The following RASA1 variants were observed in gnomAD, a reference collection of about 807,000 sequenced individuals.
RASA1 encodes the protein RAS p21 protein activator 1, also known as ras GTPase-activating protein 1.
In RASA1, 25 loss-of-function variants were observed where a neutral mutation model predicts 132.2. The observed-to-expected ratio is 0.19, with a 90% confidence interval of 0.14 to 0.26. The LOEUF is 0.26. RASA1 is among the 10% of genes least tolerant of loss of function. RASA1 has a pLI of 1.00. For missense variants in RASA1, 964 were observed against 1,299.2 expected (o/e 0.74, Z 3.97); for synonymous variants, 477 against 449.9 (o/e 1.06, Z -0.76).
At chr5:87,292,366 T>G (rs774251277) in intron 1 of RASA1, among the ~76,000 whole-genome samples, 2 of 150,762 alleles carry the variant, frequency 1.3e-5, no homozygotes, top group Non-Finnish European at 3.0e-5. Flanking sequence ...GTGTTTACAT[T>G]CTTTTTTTTT....
chr5:87,285,941 C>T (rs1013291129), intron 1 of RASA1, among the ~76,000 whole-genome samples: 1 of 151,820 alleles, frequency 6.6e-6, no homozygotes, highest in Non-Finnish European at 1.5e-5. Flanking sequence ...TTTCTCCTTT[C>T]CCACTCTAAC....
chr5:87,387,241 G>C (rs1762122962), intron 23 of RASA1, among the ~76,000 whole-genome samples: 1 of 151,780 alleles, frequency 6.6e-6, no homozygotes, highest in African/African-American at 2.4e-5. Flanking sequence ...TTTTTACTTT[G>C]CTGCTACTAT....
chr5:87,384,019 C>T (rs1761905498), intron 21 of RASA1, among the ~76,000 whole-genome samples: 1 of 152,030 alleles, frequency 6.6e-6, no homozygotes, highest in Non-Finnish European at 1.5e-5. Flanking sequence ...ACACATTCCA[C>T]CTTTTTTCTA....
intron 1 of RASA1, among the ~76,000 whole-genome samples, chr5:87,306,464 G>A (rs1755617076): frequency 6.6e-6 from 1 of 152,092 alleles, no homozygotes; most frequent in African/African-American, 2.4e-5. Context: ...CTAATTGAGG[G>A]TGGAGGGTGG....
At chr5:87,376,358 T>TAAA in intron 15 of RASA1, 35 bp from the exon 16 acceptor site, 1 of 1,610,592 alleles carries the variant, frequency 6.2e-7, no homozygotes, top group Non-Finnish European at 8.5e-7. Context: ...TCGTGTTCTC[T>TAAA]TTTTAAACAA....
chr5:87,360,442 C>T (rs1219725563), intron 9 of RASA1, among the ~76,000 whole-genome samples: 3 of 152,086 alleles, frequency 2.0e-5, no homozygotes, highest in Non-Finnish European at 2.9e-5. Context: ...TCTGATGGCT[C>T]ATAATTTTGT....
intron 1 of RASA1, among the ~76,000 whole-genome samples, chr5:87,329,888 G>T (rs555736617): frequency 2.8e-4 from 43 of 152,136 alleles, no homozygotes; most frequent in African/African-American, 9.9e-4. Flanking sequence ...GTTCCTTAGG[G>T]TTCATTTACG....
At chr5:87,273,834 G>A (rs1000694287) in intron 1 of RASA1, among the ~76,000 whole-genome samples, 1 of 151,646 alleles carries the variant, frequency 6.6e-6, no homozygotes, top group Non-Finnish European at 1.5e-5. Context: ...AGTAGCCGGG[G>A]TTACAGGTAC....
At chr5:87,383,614 T>C (rs1761875379) in intron 20 of RASA1, 99 bp from the exon 21 acceptor site, 2 of 883,608 alleles carry the variant, frequency 2.3e-6, no homozygotes, top group Non-Finnish European at 3.5e-6. Flanking sequence ...TTATGGGTTC[T>C]ATGAGTACTA....
chr5:87,348,522 GAATAA>G (rs1561299849), intron 7 of RASA1, among the ~76,000 whole-genome samples: 2 of 151,784 alleles, frequency 1.3e-5, no homozygotes, highest in South Asian at 2.1e-4. Flanking sequence ...CATACCTATT[GAATAA>G]AATATAGTGT....
chr5:87,297,570 AG>A (rs367650971), intron 1 of RASA1, among the ~76,000 whole-genome samples: 3 of 152,206 alleles, frequency 2.0e-5, no homozygotes, highest in African/African-American at 7.2e-5. Context: ...CTCTTGTGAA[AG>A]GCTGAAGTGA....
Position 87,349,330 on chromosome 5 carries a change from A to T in RASA1, c.1219A>T (p.Asn407Tyr), listed in dbSNP as rs763292074. The T allele has an allele frequency of 6.2e-7, 1 of 1,611,990 alleles. No homozygotes were observed. The change falls in exon 8 of 25, where the codon AAT (asparagine) becomes TAT (tyrosine). Residue 407 changes from asparagine (N) to tyrosine (Y), a missense_variant. Physicochemically the swap from Asn to Tyr is moderately radical, Grantham distance 143 (BLOSUM62 -2). Coordinates refer to ENST00000274376, the MANE Select transcript of RASA1 (RefSeq NM_002890.3). Reference protein sequence around the residue: ...QRFKICPTPNNQFMMGGRYYN... With the variant: ...QRFKICPTPNYQFMMGGRYYN... ...ATTTAAAATATGTCCAACGCCAAAC[A>T]ATCAGTTTATGATGGGAGGCCGGTA...
chr5:87,377,604 C>A (rs1246904890), intron 17 of RASA1, among the ~76,000 whole-genome samples: 1 of 152,090 alleles, frequency 6.6e-6, no homozygotes, highest in African/African-American at 2.4e-5. Context: ...TCCCAAAGTG[C>A]CGGGGTTACA....
In RASA1 at chr5:87,268,202, G is replaced by A. The variant is rs1367216323; in HGVS notation, c.-250G>A. The stretch of plus-strand genomic sequence containing the variant: ...GCGTGAGTGTGGGTGTGTGCGGTGA[G>A]GTTTGGGTGGCGTTTGTGCAGGCGT... On this transcript the variant is annotated 5_prime_UTR_variant, in exon 1 of 25. Coordinates refer to ENST00000274376, the MANE Select transcript of RASA1 (RefSeq NM_002890.3). 5.2e-6 allele frequency: 3 copies of A among 572,774 alleles called. No individual in the cohort carries two copies. Among genetic ancestry groups the A allele is most frequent in the South Asian group, 4.9e-5 (2 of 40,508 alleles). 35.5% of individuals were successfully genotyped at this position (572,774 alleles called of 1,614,324 possible).
At chr5:87,279,105 G>A (rs561357706) in intron 1 of RASA1, among the ~76,000 whole-genome samples, 12 of 151,948 alleles carry the variant, frequency 7.9e-5, no homozygotes, top group East Asian at 1.9e-4. Flanking sequence ...TTAGCTGTTC[G>A]TGGTGTTGCA....
In RASA1 at chr5:87,380,360, T is replaced by C. The variant is rs950127837; in HGVS notation, c.2604-149T>C. 4 of 716,236 alleles carry C rather than the reference T, an allele frequency of 5.6e-6. No individual in the cohort carries two copies. The African/African-American group carries it at 7.0e-5, about 13-fold the overall frequency. The allele number at this position is 716,236 out of a possible 1,614,324, so 44.4% of individuals were successfully genotyped here. ...AAAGTTTTCCTTACCCCTTGCTAAA[T>C]GCCTCATTACCTGTGGCAAAATACT... On this transcript the variant is annotated intron_variant, in intron 19 of 24. Transcript: ENST00000274376.
rs868226410 is a variant in RASA1, at chr5:87,268,314, C to T, written c.-138C>T. On this transcript the variant is annotated 5_prime_UTR_variant, in exon 1 of 25. Coordinates refer to ENST00000274376, the MANE Select transcript of RASA1 (RefSeq NM_002890.3). ...CTAGGAGGGGGCGCGGCGGCGGGCT[C>T]TCTCCTTTTGTTGTTGTTTCCTCAG... 5.8e-6 allele frequency: 7 copies of T among 1,201,326 alleles called. No individual in the cohort carries two copies. In the African/African-American group the frequency reaches 7.7e-5, roughly 13 times the overall value. The allele number at this position is 1,201,326 out of a possible 1,614,324, so 74.4% of individuals were successfully genotyped here. A position where few individuals can be genotyped will look rare whatever the true frequency, so the allele number is the denominator to read the frequency against.
chr5:87,304,264 A>G (rs1307038105), intron 1 of RASA1, among the ~76,000 whole-genome samples: 4 of 152,120 alleles, frequency 2.6e-5, no homozygotes, highest in African/African-American at 9.7e-5. Flanking sequence ...TACATCTCTT[A>G]TAAGTGGGTT....
At chr5:87,328,167 G>C (rs1757368668) in intron 1 of RASA1, among the ~76,000 whole-genome samples, 1 of 152,124 alleles carries the variant, frequency 6.6e-6, no homozygotes. Flanking sequence ...GGTATATTCT[G>C]TGTTATAATT....
Sources: allele counts gnomAD v4.1 joint callset (sites outside exome capture counted in the v4.1 genomes callset), GRCh38; gene constraint gnomAD v4.1.1; transcripts MANE v1.5; gene names NCBI Gene and HGNC (gene_info 2026-07-23, HGNC 2026-07-21).